The following OR4K1 variants were observed in gnomAD, a reference collection of about 807,000 sequenced individuals.
OR4K1 encodes olfactory receptor family 4 subfamily K member 1, also known as olfactory receptor 4K1.
A neutral mutation model predicts 14.4 loss-of-function variants in OR4K1; 16 were observed. The observed-to-expected ratio is 1.11, with a 90% CI of 0.75 to 1.68. The LOEUF is 1.68. Ranked by LOEUF, OR4K1 falls within the 40% of genes most tolerant of loss-of-function variation. OR4K1 has a pLI of 0.00. For missense variants in OR4K1, 548 were observed against 376.9 expected (o/e 1.45, Z -3.76); for synonymous variants, 181 against 133.1 (o/e 1.36, Z -2.48).
chr14:19,928,435 A>G (rs1353841739), upstream of OR4K1, among the ~76,000 whole-genome samples: 1 of 152,102 alleles, frequency 6.6e-6, no homozygotes, highest in Non-Finnish European at 1.5e-5. Context: ...TGTGACTTCA[A>G]TTATGTTTAT....
chr14:19,922,402 T>A, the OR4K1 span, among the ~76,000 whole-genome samples: 2 of 152,246 alleles, frequency 1.3e-5, no homozygotes, highest in African/African-American at 4.8e-5. Context: ...GGCCTTAAAT[T>A]CTCTGATCCC....
chr14:19,936,094 T>G lies in OR4K1; in HGVS notation c.428T>G (p.Ile143Ser), dbSNP rs376260525. ...STIMNRRLCV[I>S]FVSISWAVGV... is the part of the protein sequence containing the mutation. Reference sequence around the variant, plus strand: ...ATTATGAACCGGAGGCTCTGTGTAATTTTTGTGTCTATTTCCTGGGCGGTG... The same window carrying G: ...ATTATGAACCGGAGGCTCTGTGTAAGTTTTGTGTCTATTTCCTGGGCGGTG... The change falls in exon 2 of 2, where the codon ATT becomes AGT. Residue 143 changes from isoleucine to serine, a missense_variant. Ile to Ser is a moderately radical substitution (Grantham distance 142). Transcript: ENST00000641172. 3.1e-6 allele frequency: 5 copies of G among 1,614,136 alleles called. No homozygotes were observed. The African/African-American group carries it at 5.3e-5, about 17-fold the overall frequency.
At chr14:19,928,829 T>C (rs563829479), upstream of OR4K1, among the ~76,000 whole-genome samples, 6 of 152,296 alleles carry the variant, frequency 3.9e-5, no homozygotes, top group East Asian at 1.2e-3. Context: ...CTGCTCATTT[T>C]TCTACTTATT....
the OR4K1 span, chr14:19,921,748 A>C: frequency 1.4e-6 from 1 of 733,658 alleles, no homozygotes; most frequent in Non-Finnish European, 2.0e-6. Flanking sequence ...ATATAAAAAC[A>C]TGGAAAAATC....
chr14:19,920,453 T>C, the OR4K1 span: 1 of 840,044 alleles, frequency 1.2e-6, no homozygotes, highest in Non-Finnish European at 1.8e-6. Flanking sequence ...GACATACTAT[T>C]ATGGCCTCTT....
chr14:19,921,443 C>T, the OR4K1 span: 23 of 1,613,958 alleles, frequency 1.4e-5, no homozygotes, highest in Non-Finnish European at 1.9e-5. Context: ...CTGTTTTCAC[C>T]CCCGTCCTAA....
chr14:19,921,747 C>A, the OR4K1 span: 2 of 738,582 alleles, frequency 2.7e-6, no homozygotes, highest in Non-Finnish European at 4.0e-6. Context: ...AATATAAAAA[C>A]ATGGAAAAAT....
upstream of OR4K1, among the ~76,000 whole-genome samples, chr14:19,930,157 T>C (rs1054896685): frequency 1.3e-5 from 2 of 152,226 alleles, no homozygotes; most frequent in African/African-American, 4.8e-5. Flanking sequence ...TTAGGTTTTT[T>C]CCAGTATCTC....
upstream of OR4K1, among the ~76,000 whole-genome samples, chr14:19,929,577 TA>T (rs1216019897): frequency 2.6e-5 from 4 of 152,198 alleles, no homozygotes; most frequent in Admixed American, 2.6e-4. Flanking sequence ...TAGGCTATTT[TA>T]ATAATGGTTA....
At chr14:19,924,400 C>CAAAAAAAAAAAAAAAAAAAAAAAA in the OR4K1 span, among the ~76,000 whole-genome samples, 25 of 79,254 alleles carry the variant, frequency 3.2e-4, 1 homozygote, top group African/African-American at 1.1e-3. Context: ...AACTCCGTAT[C>CAAAAAAAAAAAAAAAAAAAAAAAA]AAAAAAAAAA....
At chr14:19,928,202 C>A (rs1882101095), upstream of OR4K1, among the ~76,000 whole-genome samples, 1 of 152,232 alleles carries the variant, frequency 6.6e-6, no homozygotes. Context: ...TGGACTCTCT[C>A]TGCATCATTC....
chr14:19,928,797 T>C (rs761650562), upstream of OR4K1, among the ~76,000 whole-genome samples: 26 of 152,178 alleles, frequency 1.7e-4, no homozygotes, highest in Non-Finnish European at 2.2e-4. Flanking sequence ...AGTATTTCTG[T>C]TCTTTTGAAC....
At chr14:19,921,185 C>G in the OR4K1 span, 2 of 1,614,182 alleles carry the variant, frequency 1.2e-6, no homozygotes, top group Admixed American at 3.3e-5. Context: ...TGGACTCTTA[C>G]ATCATTGAAA....
intron 1 of OR4K1, among the ~76,000 whole-genome samples, chr14:19,932,784 A>T (rs10137369): frequency 6.6e-6 from 1 of 151,864 alleles, no homozygotes; most frequent in Non-Finnish European, 1.5e-5. Flanking sequence ...ACTTTGTAAG[A>T]TTATTTTGAG....
rs764328066 is a variant in OR4K1, at chr14:19,935,691, G to T, written c.25G>T (p.Val9Leu). The part of the protein sequence containing the change: MAHTNESM[V>L]SEFVLLGLSN... The stretch of plus-strand genomic sequence containing the variant: ...CATGGCTCACACAAATGAATCGATG[G>T]TGTCTGAGTTTGTACTTTTGGGACT... Residue 9 changes from valine to leucine, a missense_variant, in exon 2 of 2, where the codon GTG becomes TTG. Transcript: ENST00000641172. 5.0e-6 allele frequency: 8 copies of T among 1,606,908 alleles called. No individual in the cohort carries two copies. In the South Asian group the frequency reaches 7.8e-5, roughly 16 times the overall value.
the OR4K1 span, among the ~76,000 whole-genome samples, chr14:19,923,190 A>G: frequency 6.6e-6 from 1 of 152,340 alleles, no homozygotes; most frequent in Non-Finnish European, 1.5e-5. Context: ...TCAATTTGCA[A>G]TACTACCTCT....
chr14:19,927,744 G>T (rs1391273688), upstream of OR4K1, among the ~76,000 whole-genome samples: 1 of 152,302 alleles, frequency 6.6e-6, no homozygotes, highest in East Asian at 1.9e-4. Context: ...TGAAGGGGGG[G>T]TAGTGATTTG....
chr14:19,927,006 C>A (rs889550231), upstream of OR4K1, among the ~76,000 whole-genome samples: 1 of 152,228 alleles, frequency 6.6e-6, no homozygotes, highest in African/African-American at 2.4e-5. Flanking sequence ...TCATCATGAA[C>A]TGTTATCAGA....
chr14:19,935,519 C>T lies in OR4K1; in HGVS notation c.-19-129C>T, dbSNP rs531537413. 1.9e-4 allele frequency: 139 copies of T among 734,238 alleles called. No homozygotes were observed. The South Asian group carries it at 2.2e-3, about 11-fold the overall frequency. 45.5% of individuals were successfully genotyped at this position (734,238 alleles called of 1,614,324 possible). On this transcript the variant is annotated intron_variant, in intron 1 of 1. Transcript: ENST00000641172. ...TATTAGTCAACTGAGTATTTACATACGTAAATATATGTAACCTAATTAAAT... is the reference window on the plus strand; with the variant it reads ...TATTAGTCAACTGAGTATTTACATATGTAAATATATGTAACCTAATTAAAT...
Sources: allele counts gnomAD v4.1 joint callset (sites outside exome capture counted in the v4.1 genomes callset), GRCh38; gene constraint gnomAD v4.1.1; transcripts MANE v1.5; gene names NCBI Gene and HGNC (gene_info 2026-07-23, HGNC 2026-07-21).